VPS35L: variants seen among roughly 807,000 people sequenced by gnomAD.
VPS35L encodes VPS35 endosomal protein sorting factor like, also known as VPS35 endosomal protein-sorting factor-like.
Under a neutral mutation model 133.0 loss-of-function variants are expected in VPS35L, and 83 were observed. The observed-to-expected ratio is 0.62, with a 90% CI of 0.52 to 0.75. The LOEUF (loss-of-function observed/expected upper bound fraction) is 0.75, where lower values mean the gene tolerates loss of function less well. Ranked by LOEUF, VPS35L falls within the 30% of genes least tolerant of loss-of-function variation. The pLI is 0.00. For synonymous variants in VPS35L, 423 were observed against 449.9 expected (o/e 0.94, Z 0.76); for missense variants, 1,083 against 1,206.8 (o/e 0.90, Z 1.52).
chr16:19,670,209 A>G (rs1202608297), intron 27 of VPS35L, among the ~76,000 whole-genome samples: 1 of 152,200 alleles, frequency 6.6e-6, no homozygotes, highest in Non-Finnish European at 1.5e-5. Flanking sequence ...ATTACTACCC[A>G]AGGGCCCCAC....
intron 26 of VPS35L, among the ~76,000 whole-genome samples, chr16:19,660,235 C>T (rs780219099): frequency 6.6e-5 from 10 of 150,968 alleles, no homozygotes; most frequent in Non-Finnish European, 1.2e-4. Context: ...TAACAAGGCA[C>T]GAGAATTGTT....
rs943219470 is a variant in VPS35L, at chr16:19,633,121, T to C, written c.1584T>C (p.Asp528=). The change falls in exon 19 of 31, where the codon GAT becomes GAC. Residue 528 remains aspartate, a synonymous_variant. Coordinates refer to ENST00000417362, the MANE Select transcript of VPS35L (RefSeq NM_020314.7). The surrounding 1 kb of genome is among the most constrained non-coding windows in gnomAD (Gnocchi z 4.1). ...GAGAGGTGAATACCGTTTTGGCAGA[T>C]GTCATCAAGCACATGACTCCAGATC... ...TKREVNTVLA[D]VIKHMTPDRA... 8 of 1,614,234 alleles carry C rather than the reference T, an allele frequency of 5.0e-6. No homozygotes were observed. Among genetic ancestry groups the C allele is most frequent in the Non-Finnish European group, 6.8e-6 (8 of 1,180,038 alleles).
chr16:19,672,088 G>T (rs1351918726), intron 27 of VPS35L, among the ~76,000 whole-genome samples: 1 of 152,128 alleles, frequency 6.6e-6, no homozygotes, highest in African/African-American at 2.4e-5. Flanking sequence ...TGGGCCAACA[G>T]GCATGTGCCA....
chr16:19,682,325 A>G lies in VPS35L; in HGVS notation c.2462A>G (p.Tyr821Cys), dbSNP rs1478047376. ...AACAGCGATGAGAAAATCCGCATCT[A>G]CACCTGCGTCCTGCATCTCCTCTCC... is the stretch of plus-strand genomic sequence containing the variant. ...EDNSDEKIRI[Y>C]TCVLHLLSAM... Residue 821 changes from tyrosine (Y) to cysteine (C), a missense_variant, in exon 28 of 31, where the codon TAC (tyrosine) becomes TGC (cysteine). Physicochemically the swap from Tyr to Cys is radical, Grantham distance 194 (BLOSUM62 -2). Transcript: ENST00000417362. The G allele has an allele frequency of 6.2e-7, 1 of 1,614,024 alleles. No homozygotes were observed. Among genetic ancestry groups the G allele is most frequent in the Non-Finnish European group, 8.5e-7 (1 of 1,180,026 alleles).
intron 18 of VPS35L, among the ~76,000 whole-genome samples, chr16:19,630,503 T>A (rs996285803): frequency 6.6e-6 from 1 of 151,920 alleles, no homozygotes; most frequent in East Asian, 1.9e-4. Context: ...CTGGCTAATT[T>A]TTTTGTGTTT....
chr16:19,561,274 G>A (rs923906186), intron 1 of VPS35L, among the ~76,000 whole-genome samples: 1 of 152,184 alleles, frequency 6.6e-6, no homozygotes, highest in Non-Finnish European at 1.5e-5. Context: ...GGGAGGCTGA[G>A]GCAGGAGAAT....
At chr16:19,570,879 A>ATT (rs1567388832) in intron 3 of VPS35L, among the ~76,000 whole-genome samples, 1 of 57,638 alleles carries the variant, frequency 1.7e-5, no homozygotes, top group African/African-American at 9.0e-5. Context: ...ATATATATAT[A>ATT]TATATATATA....
intron 7 of VPS35L, among the ~76,000 whole-genome samples, chr16:19,583,865 C>T (rs1418218903): frequency 6.6e-6 from 1 of 152,170 alleles, no homozygotes; most frequent in African/African-American, 2.4e-5. Context: ...TTGTTCTCCC[C>T]TTGCCCCTAC....
intron 7 of VPS35L, 47 bp downstream of exon 7, chr16:19,581,700 A>G: frequency 6.3e-7 from 1 of 1,598,600 alleles, no homozygotes; most frequent in Non-Finnish European, 8.5e-7. Context: ...TCCTATGTAA[A>G]ATTCCACTGT....
intron 26 of VPS35L, among the ~76,000 whole-genome samples, chr16:19,664,025 A>G (rs555905758): frequency 1.7e-4 from 26 of 152,240 alleles, no homozygotes; most frequent in Middle Eastern, 3.4e-3. Context: ...TCAGTGGTCC[A>G]CAGACCTTTT....
intron 21 of VPS35L, among the ~76,000 whole-genome samples, chr16:19,641,424 G>T (rs1973785432): frequency 6.6e-6 from 1 of 152,040 alleles, no homozygotes; most frequent in African/African-American, 2.4e-5. Flanking sequence ...TTTATAACTA[G>T]TTTAATATGA....
At chr16:19,645,438 C>T (rs560418245) in intron 23 of VPS35L, among the ~76,000 whole-genome samples, 1 of 151,990 alleles carries the variant, frequency 6.6e-6, no homozygotes. Flanking sequence ...TACAGGCGCC[C>T]GGCACCACGC....
At chr16:19,654,301 GTGTT>G (rs1371816345) in intron 26 of VPS35L, among the ~76,000 whole-genome samples, 2 of 151,966 alleles carry the variant, frequency 1.3e-5, no homozygotes, top group South Asian at 2.1e-4. Context: ...CTTTCTTACT[GTGTT>G]TGTTTACTTG....
chr16:19,645,210 A>G (rs946704943), intron 23 of VPS35L, among the ~76,000 whole-genome samples: 2 of 151,666 alleles, frequency 1.3e-5, no homozygotes, highest in Non-Finnish European at 2.9e-5. Context: ...CAAAAAGTCC[A>G]GGGGCTGGAA....
At chr16:19,666,775 T>C (rs919470597) in intron 26 of VPS35L, among the ~76,000 whole-genome samples, 3 of 152,206 alleles carry the variant, frequency 2.0e-5, no homozygotes, top group African/African-American at 4.8e-5. Context: ...TTTCATGATA[T>C]ACTTACTTCA....
Position 19,564,907 on chromosome 16 carries a change from TACCA to T in VPS35L, c.75_78del (p.Pro26TrpfsTer9), listed in dbSNP as rs1971139298. On this transcript the variant is annotated frameshift_variant, in exon 2 of 31. Transcript: ENST00000417362. LOFTEE classifies it high-confidence loss of function. ...TTTGCATCATGCCGACTGGAGGCTG[TACCA>T]TTGGAGTTTGGGGACTATCACCCTC... The T allele has an allele frequency of 6.2e-7, 1 of 1,613,608 alleles. No homozygotes were observed. Among genetic ancestry groups the T allele is most frequent in the Admixed American group, 1.7e-5 (1 of 59,992 alleles).
At chr16:19,593,490 A>G (rs1302277228) in intron 8 of VPS35L, among the ~76,000 whole-genome samples, 1 of 152,240 alleles carries the variant, frequency 6.6e-6, no homozygotes, top group Non-Finnish European at 1.5e-5. Context: ...TGAGTGCGCT[A>G]GCTAAAACAA....
chr16:19,562,692 G>A (rs562188212), intron 1 of VPS35L, among the ~76,000 whole-genome samples: 3 of 152,230 alleles, frequency 2.0e-5, no homozygotes, highest in East Asian at 1.9e-4. Context: ...ATTAAGAAAT[G>A]TAAAGACAAT....
chr16:19,656,311 CA>C (rs1166243846), intron 26 of VPS35L, among the ~76,000 whole-genome samples: 4 of 141,722 alleles, frequency 2.8e-5, no homozygotes, highest in Admixed American at 6.9e-5. Flanking sequence ...GGGCATTTTA[CA>C]ATGGAAGTAT....
Sources: gnomAD v4.1 joint callset for allele counts (sites outside exome capture counted in the v4.1 genomes callset) on GRCh38, gnomAD v4.1.1 for gene constraint, Gnocchi (gnomAD v3.1) non-coding constraint, MANE v1.5 for transcripts, NCBI Gene and HGNC (gene_info 2026-07-23, HGNC 2026-07-21) for gene names.